The following CEP192 variants were observed in gnomAD, a reference collection of about 807,000 sequenced individuals.
The protein encoded by CEP192 is centrosomal protein of 192 kDa.
A neutral mutation model predicts 271.8 loss-of-function variants in CEP192; 151 were observed. The observed-to-expected ratio is 0.56, with a 90% CI of 0.49 to 0.64. The LOEUF (loss-of-function observed/expected upper bound fraction) is 0.64, where lower values mean the gene tolerates loss of function less well. CEP192 is among the 30% of genes least tolerant of loss of function. The probability of loss-of-function intolerance (pLI) is 0.00; values close to 1 mark genes in which losing one functional copy is unlikely to be tolerated. For missense variants in CEP192, 2,910 were observed against 3,020.5 expected, an observed-to-expected ratio of 0.96 and a Z score of 0.86; for synonymous variants, 995 against 1,076.5, an observed-to-expected ratio of 0.92 and a Z score of 1.48.
rs777710307 is a variant in CEP192 at position 13,113,609 on chromosome 18, A to G, written c.7071A>G (p.Arg2357=). The G allele has an allele frequency of 9.9e-6, 16 of 1,612,636 alleles. 1 individual carries two copies. The Admixed American group carries it at 2.2e-4, about 22-fold the overall frequency. The change falls in exon 41 of 45, where the codon AGA becomes AGG. Residue 2357 remains arginine, a synonymous_variant. Coordinates refer to ENST00000506447, the MANE Select transcript of CEP192 (RefSeq NM_032142.4). The part of the protein sequence containing the change: ...IQKVSITFLP[R]GRGDYAQFWD... ...AGGTCTCCATCACATTTTTGCCCAG[A>G]GGTAGGGGGGATTATGCCCAGTTTT... is the stretch of plus-strand genomic sequence containing the variant.
intron 30 of CEP192, among the ~76,000 whole-genome samples, chr18:13,075,395 A>G (rs1306661668): frequency 1.3e-5 from 2 of 152,152 alleles, no homozygotes; most frequent in Admixed American, 1.3e-4. Flanking sequence ...GTGAAACCCC[A>G]TCTCTACTAA....
intron 34 of CEP192, among the ~76,000 whole-genome samples, chr18:13,093,826 C>G (rs2039262686): frequency 6.6e-6 from 1 of 152,198 alleles, no homozygotes; most frequent in African/African-American, 2.4e-5. Context: ...GCAGATACAT[C>G]TTGCAAAAAG....
rs1568446173 is a variant in CEP192, at chr18:13,117,638, T to C, written c.7470T>C (p.Ser2490=). 6.2e-7 allele frequency: 1 copy of C among 1,612,344 alleles called. No individual in the cohort carries two copies. The highest frequency in any genetic ancestry group is 8.5e-7 in the Non-Finnish European group (1 of 1,178,472). ...TCTATGTCAAACATTCCAAGTACTCTTTGAGGTAAGTTTATCGCAGATCAC... is the reference window on the plus strand; with the variant it reads ...TCTATGTCAAACATTCCAAGTACTCCTTGAGGTAAGTTTATCGCAGATCAC... ...EPFYVKHSKY[S]LRAQHYINMP... The change falls in exon 44 of 45, where the codon TCT becomes TCC. Residue 2490 remains serine, a synonymous_variant. Coordinates refer to ENST00000506447, the MANE Select transcript of CEP192 (RefSeq NM_032142.4).
rs189483141 is a variant in CEP192, at chr18:13,068,801, G to T, written c.4823-51G>T. On this transcript the variant is annotated intron_variant, in intron 24 of 44. Coordinates refer to ENST00000506447, the MANE Select transcript of CEP192 (RefSeq NM_032142.4). The stretch of plus-strand genomic sequence containing the variant: ...TGTGTGGGACTGCTGATGGCATTTA[G>T]AATTAAATAACTCTCTGGTCTCCAA... 2,038 of 1,607,202 alleles carry T rather than the reference G, an allele frequency of 1.3e-3. 9 individuals are homozygous for T. Among genetic ancestry groups the T allele is most frequent in the Middle Eastern group, 0.012 (71 of 6,042 alleles).
Position 13,013,027 on chromosome 18 carries a change from T to A in CEP192, c.519+2T>A. On this transcript the variant is annotated splice_donor_variant, in intron 5 of 44. Transcript: ENST00000506447. LOFTEE classifies it high-confidence loss of function. ...TGGATGAATAATAAGGAACCCAAGGTAACCTTTTATATATTTGGTATCATT... is the reference window on the plus strand; with the variant it reads ...TGGATGAATAATAAGGAACCCAAGGAAACCTTTTATATATTTGGTATCATT... The A allele has an allele frequency of 1.4e-6, 2 of 1,412,186 alleles. No homozygotes were observed. Among genetic ancestry groups the A allele is most frequent in the Non-Finnish European group, 2.0e-6 (2 of 1,022,866 alleles). The allele number at this position is 1,412,186 out of a possible 1,614,324, so 87.5% of individuals were successfully genotyped here.
Position 13,049,442 on chromosome 18 carries a change from T to G in CEP192, c.2651T>G (p.Ile884Ser). Residue 884 changes from isoleucine to serine, a missense_variant, in exon 16 of 45, where the codon ATT (isoleucine) becomes AGT (serine). Coordinates refer to ENST00000506447, the MANE Select transcript of CEP192 (RefSeq NM_032142.4). ...SAVVDVKTCSIDNKLQDVGND... is the reference protein window; with the variant it reads ...SAVVDVKTCSSDNKLQDVGND... ...GTAGTTGATGTGAAGACATGTTCCA[T>G]TGACAACAAATTACAAGATGTTGGT... 1 of 1,614,142 alleles carries G rather than the reference T, an allele frequency of 6.2e-7. No individual in the cohort carries two copies. The highest frequency in any genetic ancestry group is 8.5e-7 in the Non-Finnish European group (1 of 1,180,020).
chr18:13,050,013 C>A, intron 17 of CEP192, 122 bp downstream of exon 17: 3 of 749,304 alleles, frequency 4.0e-6, no homozygotes, highest in Non-Finnish European at 4.1e-6. Context: ...CTCTTGTAAG[C>A]TGTGAATTTC....
chr18:13,117,347 G>A (rs2040479885), intron 43 of CEP192, among the ~76,000 whole-genome samples: 1 of 151,972 alleles, frequency 6.6e-6, no homozygotes, highest in African/African-American at 2.4e-5. Context: ...TTTTTCTTCT[G>A]TACTATTATA....
intron 21 of CEP192, among the ~76,000 whole-genome samples, chr18:13,065,004 T>G (rs1009590249): frequency 6.6e-6 from 1 of 152,174 alleles, no homozygotes; most frequent in African/African-American, 2.4e-5. Flanking sequence ...CTTCTTTGAT[T>G]AAGTTAATTC....
In CEP192 at chr18:13,049,789, A is replaced by G. The variant is rs1050165865; in HGVS notation, c.2915A>G (p.His972Arg). 1.2e-6 allele frequency: 2 copies of G among 1,613,852 alleles called. No homozygotes were observed. Among genetic ancestry groups the G allele is most frequent in the South Asian group, 1.1e-5 (1 of 91,030 alleles). The stretch of plus-strand genomic sequence containing the variant: ...GATTTGAAAAATACCTCTCCTGAGC[A>G]TGGTGGACGTGGCTCAGAGGATGAG... ...NSDLKNTSPEHGGRGSEDEQE... is the reference protein window; with the variant it reads ...NSDLKNTSPERGGRGSEDEQE... Residue 972 changes from histidine to arginine, a missense_variant, in exon 17 of 45, where the codon CAT becomes CGT. Transcript: ENST00000506447.
At chr18:13,010,084 C>T (rs1036446526) in intron 4 of CEP192, among the ~76,000 whole-genome samples, 5 of 151,214 alleles carry the variant, frequency 3.3e-5, no homozygotes, top group African/African-American at 1.2e-4. Flanking sequence ...TAAGCCCAGG[C>T]GGTCAAGGTG....
intron 1 of CEP192, among the ~76,000 whole-genome samples, chr18:12,994,852 G>T (rs77524145): frequency 0.044 from 6,634 of 152,222 alleles, 220 homozygotes; most frequent in East Asian, 0.14. Flanking sequence ...TGCAAAGTCT[G>T]AGGTCAGAAT....
chr18:13,059,851 AG>A (rs1313084273), intron 21 of CEP192, among the ~76,000 whole-genome samples: 1 of 152,140 alleles, frequency 6.6e-6, no homozygotes, highest in Non-Finnish European at 1.5e-5. Flanking sequence ...ACTAAATCAG[AG>A]CGAGGGAGGG....
chr18:13,043,973 C>T (rs2036344401), intron 15 of CEP192, among the ~76,000 whole-genome samples: 1 of 152,040 alleles, frequency 6.6e-6, no homozygotes, highest in South Asian at 2.1e-4. Context: ...GGGTATCCAT[C>T]CCCTCAAGCA....
chr18:13,083,549 A>T (rs964017179), intron 30 of CEP192, among the ~76,000 whole-genome samples: 1 of 152,104 alleles, frequency 6.6e-6, no homozygotes, highest in Non-Finnish European at 1.5e-5. Context: ...CTTCCTTGCG[A>T]TGGGTTCGAA....
In CEP192 at chr18:13,038,398, C is replaced by T. The variant is rs910526739; in HGVS notation, c.1628C>T (p.Ser543Leu). The stretch of plus-strand genomic sequence containing the variant: ...GAAAACATAGATGCTCATAATACTT[C>T]GGTTGCACTGGGCGATACGTCCTGG... ...QEENIDAHNT[S>L]VALGDTSWGA... The change falls in exon 13 of 45, where the codon TCG becomes TTG. Residue 543 changes from serine to leucine, a missense_variant. Transcript: ENST00000506447. 2.1e-5 allele frequency: 32 copies of T among 1,551,336 alleles called. No individual in the cohort carries two copies. Among genetic ancestry groups the T allele is most frequent in the African/African-American group, 2.7e-5 (2 of 73,010 alleles).
rs138598145 is a variant in CEP192, at chr18:13,096,204, C to A, written c.6454C>A (p.Arg2152Ser). 34 of 1,613,926 alleles carry A rather than the reference C, an allele frequency of 2.1e-5. No individual in the cohort carries two copies. The African/African-American group carries it at 4.1e-4, about 20-fold the overall frequency. Residue 2152 changes from arginine (R) to serine (S), a missense_variant, in exon 36 of 45, where the codon CGT becomes AGT. Transcript: ENST00000506447. ...AATAGGTGACATGGCAAAAACTGGA[C>A]GTTTCCAGATTGTGAATAACTCTGT... ...PSPCDMAKTG[R>S]FQIVNNSVRL...
At position 13,087,330 on chromosome 18, in the gene CEP192, A is replaced by G. The variant is rs951758561; in HGVS notation, c.5877+53A>G. ...ACATCAACTCATTTTAAAATTGTTA[A>G]TAATTATGTATTTTAAAGCCAAAAG... On this transcript the variant is annotated intron_variant, in intron 31 of 44. Coordinates refer to ENST00000506447, the MANE Select transcript of CEP192 (RefSeq NM_032142.4). The G allele has an allele frequency of 6.9e-6, 10 of 1,442,588 alleles. No individual in the cohort carries two copies. In the African/African-American group the frequency reaches 1.3e-4, roughly 19 times the overall value. 89.4% of individuals were successfully genotyped at this position (1,442,588 alleles called of 1,614,324 possible). A position where few individuals can be genotyped will look rare whatever the true frequency, so the allele number is the denominator to read the frequency against.
chr18:13,109,370 G>A (rs1333626934), intron 40 of CEP192, among the ~76,000 whole-genome samples: 1 of 152,130 alleles, frequency 6.6e-6, no homozygotes, highest in East Asian at 1.9e-4. Context: ...AAAGATGACA[G>A]CAATAGAAAC....
Sources: allele counts gnomAD v4.1 joint callset (sites outside exome capture counted in the v4.1 genomes callset), GRCh38; gene constraint gnomAD v4.1.1; transcripts MANE v1.5; gene names NCBI Gene and HGNC (gene_info 2026-07-23, HGNC 2026-07-21).